Variants in ANPEP observed in about 807,000 individuals in gnomAD.
ANPEP encodes aminopeptidase N.
In ANPEP, 70 loss-of-function variants were observed where a neutral mutation model predicts 114.6. The ratio of observed to expected loss-of-function variants is 0.61; its 90% CI spans 0.50 to 0.75. The LOEUF (loss-of-function observed/expected upper bound fraction) is 0.75. ANPEP is among the 30% of genes least tolerant of loss of function. The probability of loss-of-function intolerance (pLI) is 0.00; values close to 1 mark genes in which losing one functional copy is unlikely to be tolerated. For missense variants in ANPEP, 1,184 were observed against 1,259.5 expected (o/e 0.94, Z 0.91); for synonymous variants, 548 against 522.3 (o/e 1.05, Z -0.67).
chr15:89,812,972 G>A (rs553641253), intron 1 of ANPEP, among the ~76,000 whole-genome samples: 1 of 152,232 alleles, frequency 6.6e-6, no homozygotes, highest in East Asian at 1.9e-4. Flanking sequence ...TGTTAGCCAG[G>A]GAGTGCTGGG....
chr15:89,814,274 C>T (rs1384800591), intron 1 of ANPEP, among the ~76,000 whole-genome samples: 1 of 152,192 alleles, frequency 6.6e-6, no homozygotes, highest in Non-Finnish European at 1.5e-5. Context: ...GCGGCGGAGG[C>T]TTTAGACCGA....
intron 18 of ANPEP, 118 bp downstream of exon 18, chr15:89,792,042 C>G: frequency 8.1e-7 from 1 of 1,228,056 alleles, no homozygotes; most frequent in Non-Finnish European, 1.1e-6. Context: ...GAAATACTGC[C>G]TCCACCTCAA....
At position 89,806,542 on chromosome 15, in the gene ANPEP, C is replaced by T; in HGVS notation, c.42G>A (p.Leu14=). The T allele has an allele frequency of 6.2e-7, 1 of 1,611,906 alleles. No individual in the cohort carries two copies. The highest frequency in any genetic ancestry group is 2.2e-5 in the East Asian group (1 of 44,820). Residue 14 remains leucine, a synonymous_variant, in exon 2 of 21, where the codon CTG becomes CTA. Transcript: ENST00000300060. The surrounding 1 kb of genome is among the most constrained non-coding windows in gnomAD (Gnocchi z 5.7). ...CGGCTGCCACGCCCAGGAGGATCCC[C>T]AGGATGCCCAGGGACTTGGAAATAT... ...GFYISKSLGI[L]GILLGVAAVC...
In ANPEP at chr15:89,799,060, C is replaced by T. The variant is rs1411430461; in HGVS notation, c.2009+200G>A. Among the ~76,000 whole-genome samples, 1 of 152,198 alleles carries T rather than the reference C, an allele frequency of 6.6e-6. No homozygotes were observed. The highest frequency in any genetic ancestry group is 1.5e-5 in the Non-Finnish European group (1 of 68,024). On this transcript the variant is annotated intron_variant, in intron 14 of 20. Transcript: ENST00000300060. The surrounding 1 kb of genome is among the most constrained non-coding windows in gnomAD (Gnocchi z 4.2). ...CTGGCTGTCATGAACTACTGTGTGACTTCGGGCAAGGTGTCACATTCTTCA... is the reference window on the plus strand; with the variant it reads ...CTGGCTGTCATGAACTACTGTGTGATTTCGGGCAAGGTGTCACATTCTTCA...
Position 89,804,486 on chromosome 15 carries a change from C to T in ANPEP, c.1024+5G>A. ...CTGCCTCCCTCCTCAAGGACCCCCACTCACCTGATTTTGGGAGTGGGTAGG... is the reference window on the plus strand; with the variant it reads ...CTGCCTCCCTCCTCAAGGACCCCCATTCACCTGATTTTGGGAGTGGGTAGG... On this transcript the variant is annotated splice_donor_5th_base_variant and intron_variant, in intron 5 of 20. Transcript: ENST00000300060. 2 of 1,614,210 alleles carry T rather than the reference C, an allele frequency of 1.2e-6. No individual in the cohort carries two copies. The highest frequency in any genetic ancestry group is 1.7e-6 in the Non-Finnish European group (2 of 1,180,018).
intron 1 of ANPEP, among the ~76,000 whole-genome samples, chr15:89,809,576 A>C (rs1307869104): frequency 4.7e-4 from 72 of 152,258 alleles, no homozygotes; most frequent in Non-Finnish European, 5.9e-5. Flanking sequence ...TGCAGCCCCC[A>C]CCTTCAGGAA....
chr15:89,786,447 A>AG (rs1225302568), intron 20 of ANPEP, among the ~76,000 whole-genome samples: 63 of 147,866 alleles, frequency 4.3e-4, no homozygotes, highest in African/African-American at 1.5e-3. Context: ...AGAAATTGCA[A>AG]GGGACCCAGA....
In ANPEP at chr15:89,813,054, G is replaced by A. The variant is rs111941254; in HGVS notation, c.-224+1718C>T. Among the ~76,000 whole-genome samples, 201 of 152,214 alleles carry A rather than the reference G, an allele frequency of 1.3e-3. 1 individual carries two copies. The highest frequency in any genetic ancestry group is 4.5e-3 in the African/African-American group (186 of 41,538). Reference sequence around the variant, plus strand: ...AAGGTGTGACTGGGACCACTGTAGGGCCAGGAGTGACAGGCACCCGGGGTG... The same window carrying A: ...AAGGTGTGACTGGGACCACTGTAGGACCAGGAGTGACAGGCACCCGGGGTG... On this transcript the variant is annotated intron_variant, in intron 1 of 20. Transcript: ENST00000300060.
At chr15:89,814,524 C>T (rs1374108259) in intron 1 of ANPEP, among the ~76,000 whole-genome samples, 4 of 152,168 alleles carry the variant, frequency 2.6e-5, no homozygotes, top group African/African-American at 7.2e-5. Flanking sequence ...GATGGGAGCC[C>T]CTCCGACCCC....
At chr15:89,804,795 TG>T in intron 4 of ANPEP, 178 bp from the exon 5 acceptor site, 1 of 950,486 alleles carries the variant, frequency 1.1e-6, no homozygotes, top group Admixed American at 2.8e-5. Context: ...CTGGAGGCTG[TG>T]GGTCCTAGAG....
rs1894683000 is a variant in ANPEP at position 89,805,164 on chromosome 15, T to C, written c.811A>G (p.Thr271Ala). 2 of 1,614,102 alleles carry C rather than the reference T, an allele frequency of 1.2e-6. No homozygotes were observed. The highest frequency in any genetic ancestry group is 1.7e-6 in the Non-Finnish European group (2 of 1,180,042). The change falls in exon 4 of 21, where the codon ACC becomes GCC. Residue 271 changes from threonine (T) to alanine (A), a missense_variant. Coordinates refer to ENST00000300060, the MANE Select transcript of ANPEP (RefSeq NM_001150.3). ...DPNWNVTEFH[T>A]TPKMSTYLLA... Reference sequence around the variant, plus strand: ...AAGTACGTGGACATCTTGGGCGTGGTGTGGAACTCAGTGACATTCCAGTTG... The same window carrying C: ...AAGTACGTGGACATCTTGGGCGTGGCGTGGAACTCAGTGACATTCCAGTTG...
At position 89,806,428 on chromosome 15, in the gene ANPEP, G is replaced by C; in HGVS notation, c.156C>G (p.Ser52=). ...NSSPVASTTP[S]ASATTNPASA... ...AGGCGGGGTTGGTGGTGGCTGAGGC[G>C]GACGGGGTGGTGGAGGCCACGGGGG... Residue 52 remains serine (S), a synonymous_variant, in exon 2 of 21, where the codon TCC becomes TCG. Transcript: ENST00000300060. This position sits in a 1 kb window ranked among gnomAD's most constrained non-coding sequence, Gnocchi z 5.7. 1 of 1,614,096 alleles carries C rather than the reference G, an allele frequency of 6.2e-7. No individual in the cohort carries two copies. Among genetic ancestry groups the C allele is most frequent in the Non-Finnish European group, 8.5e-7 (1 of 1,179,988 alleles).
At chr15:89,795,481 A>G (rs1374368300) in intron 15 of ANPEP, among the ~76,000 whole-genome samples, 1 of 152,210 alleles carries the variant, frequency 6.6e-6, no homozygotes, top group Non-Finnish European at 1.5e-5. Context: ...GATGGAGACG[A>G]GGCCCAAACC....
At chr15:89,791,426 T>TTTCTTTTCTTTTCTC (rs1968622085) in intron 18 of ANPEP, among the ~76,000 whole-genome samples, 1 of 147,238 alleles carries the variant, frequency 6.8e-6, no homozygotes, top group East Asian at 1.9e-4. Context: ...CTTCTTTTCT[T>TTTCTTTTCTTTTCTC]TTCTTTTCTT....
chr15:89,804,577 T>C lies in ANPEP; in HGVS notation c.938A>G (p.His313Arg), dbSNP rs750426042. The C allele has an allele frequency of 1.2e-6, 2 of 1,614,056 alleles. No individual in the cohort carries two copies. Among genetic ancestry groups the C allele is most frequent in the East Asian group, 4.5e-5 (2 of 44,874 alleles). Reference protein sequence around the residue: ...WARPSAIAAGHGDYALNVTGP... With the variant: ...WARPSAIAAGRGDYALNVTGP... The stretch of plus-strand genomic sequence containing the variant: ...CGTCACGTTCAGGGCATAATCGCCG[T>C]GGCCCGCCGCAATGGCACTGGGCCG... The change falls in exon 5 of 21, where the codon CAC becomes CGC. Residue 313 changes from histidine to arginine, a missense_variant. By Grantham distance (29) the His-to-Arg change is conservative (BLOSUM62 0). Transcript: ENST00000300060.
Position 89,797,643 on chromosome 15 carries a change from C to T in ANPEP, c.2089G>A (p.Ala697Thr). 6.2e-7 allele frequency: 1 copy of T among 1,614,150 alleles called. No homozygotes were observed. Among genetic ancestry groups the T allele is most frequent in the South Asian group, 1.1e-5 (1 of 91,090 alleles). Reference protein sequence around the residue: ...IEERQYMPWEAALSSLSYFKL... With the variant: ...IEERQYMPWETALSSLSYFKL... ...AAGTAGCTCAGGCTGCTCAGGGCGG[C>T]CTCCCAGGGCATGTACTGTCTCTCT... Residue 697 changes from alanine (A) to threonine (T), a missense_variant, in exon 15 of 21, where the codon GCC becomes ACC. Transcript: ENST00000300060.
intron 20 of ANPEP, among the ~76,000 whole-genome samples, chr15:89,786,820 G>T (rs1968515570): frequency 6.6e-6 from 1 of 151,958 alleles, no homozygotes; most frequent in Non-Finnish European, 1.5e-5. Flanking sequence ...ATAGAATTGA[G>T]AATCCAAAAA....
At position 89,791,070 on chromosome 15, in the gene ANPEP, G is replaced by C. The variant is rs765520167; in HGVS notation, c.2552C>G (p.Pro851Arg). 2 of 1,614,188 alleles carry C rather than the reference G, an allele frequency of 1.2e-6. No homozygotes were observed. The highest frequency in any genetic ancestry group is 1.7e-6 in the Non-Finnish European group (2 of 1,180,024). Residue 851 changes from proline (P) to arginine (R), a missense_variant, in exon 19 of 21, where the codon CCG (proline) becomes CGG (arginine). Pro to Arg is a moderately radical substitution (Grantham distance 103). Transcript: ENST00000300060. ...GGCGTCCTGCTTCCGGATTAAGTCC[G>C]GGTTCAGGGTGTAGCTCAGGTACCT... ...LNRYLSYTLN[P>R]DLIRKQDATS... is the part of the protein sequence containing the mutation.
chr15:89,803,163 C>T lies in ANPEP; in HGVS notation c.1569+76G>A. On this transcript the variant is annotated intron_variant, in intron 10 of 20. Transcript: ENST00000300060. This position sits in a 1 kb window ranked among gnomAD's most constrained non-coding sequence, Gnocchi z 4.2. ...GCGGAGCTGGACCCATTCTCTTACG[C>T]ATGTGCTGCCCCCAGGTACCTTCAG... The T allele has an allele frequency of 6.6e-7, 1 of 1,503,820 alleles. No homozygotes were observed. The highest frequency in any genetic ancestry group is 1.4e-5 in the African/African-American group (1 of 72,628). 93.2% of individuals were successfully genotyped at this position (1,503,820 alleles called of 1,614,324 possible).
Sources: gnomAD v4.1 joint callset for allele counts (sites outside exome capture counted in the v4.1 genomes callset) on GRCh38, gnomAD v4.1.1 for gene constraint, Gnocchi (gnomAD v3.1) non-coding constraint, MANE v1.5 for transcripts, NCBI Gene and HGNC (gene_info 2026-07-23, HGNC 2026-07-21) for gene names.